The following REDIC1 variants were observed in gnomAD, a reference collection of about 807,000 sequenced individuals.
REDIC1 encodes the protein regulator of DNA class I crossover intermediates 1.
the REDIC1 span, among the ~76,000 whole-genome samples, chr12:39,893,475 T>G: frequency 6.6e-5 from 10 of 152,312 alleles, no homozygotes; most frequent in Admixed American, 6.5e-4. Flanking sequence ...AATTTTTGTA[T>G]TCTTAGTAGA....
At chr12:39,904,429 A>C in the REDIC1 span, among the ~76,000 whole-genome samples, 12 of 152,144 alleles carry the variant, frequency 7.9e-5, no homozygotes, top group Non-Finnish European at 1.8e-4. Flanking sequence ...AAACCTTGTG[A>C]GCAGGTCTTT....
the REDIC1 span, among the ~76,000 whole-genome samples, chr12:39,890,834 T>C: frequency 2.3e-4 from 35 of 152,098 alleles, no homozygotes; most frequent in African/African-American, 8.4e-4. Flanking sequence ...TATACAGCTA[T>C]GAAAAATGTT....
the REDIC1 span, among the ~76,000 whole-genome samples, chr12:39,780,632 G>C: frequency 5.9e-5 from 9 of 152,178 alleles, no homozygotes; most frequent in Non-Finnish European, 1.3e-4. Context: ...GGATGAGCTA[G>C]AAGTTAAAAT....
chr12:39,710,974 G>A, the REDIC1 span, among the ~76,000 whole-genome samples: 1 of 150,896 alleles, frequency 6.6e-6, no homozygotes, highest in Non-Finnish European at 1.5e-5. Context: ...GGTGATTTGT[G>A]AGACCGGTGC....
the REDIC1 span, among the ~76,000 whole-genome samples, chr12:39,796,734 T>G: frequency 6.6e-6 from 1 of 152,170 alleles, no homozygotes; most frequent in African/African-American, 2.4e-5. Flanking sequence ...GTCTTTTGGT[T>G]TCAGCAGTTC....
chr12:39,634,815 C>T, the REDIC1 span, among the ~76,000 whole-genome samples: 5 of 152,220 alleles, frequency 3.3e-5, no homozygotes, highest in African/African-American at 9.6e-5. Flanking sequence ...AGCTTCTGCA[C>T]AGCAAAAGAA....
chr12:39,696,688 G>C, the REDIC1 span, among the ~76,000 whole-genome samples: 1 of 150,372 alleles, frequency 6.7e-6, no homozygotes, highest in Non-Finnish European at 1.5e-5. Flanking sequence ...ACAAAGAGAA[G>C]GAATTCAGAA....
the REDIC1 span, among the ~76,000 whole-genome samples, chr12:39,771,162 C>T: frequency 6.6e-6 from 1 of 152,176 alleles, no homozygotes; most frequent in East Asian, 1.9e-4. Context: ...CATCACCTGC[C>T]TCTGCCTCTG....
the REDIC1 span, among the ~76,000 whole-genome samples, chr12:39,695,524 G>A: frequency 6.6e-6 from 1 of 152,108 alleles, no homozygotes; most frequent in Non-Finnish European, 1.5e-5. Flanking sequence ...CCTTTGGAAA[G>A]GGAAGGGTGG....
At chr12:39,650,293 G>T in the REDIC1 span, 4 of 1,611,210 alleles carry the variant, frequency 2.5e-6, no homozygotes, top group Non-Finnish European at 3.4e-6. The surrounding 1 kb of genome is among the most constrained non-coding windows in gnomAD (Gnocchi z 4.3). Flanking sequence ...TAAAAGTCAA[G>T]ATGTTTTCAG....
the REDIC1 span, among the ~76,000 whole-genome samples, chr12:39,718,915 G>A: frequency 5.9e-5 from 9 of 152,034 alleles, no homozygotes; most frequent in Non-Finnish European, 2.9e-5. Flanking sequence ...TTTGCTTTAA[G>A]TTGTCATATA....
the REDIC1 span, among the ~76,000 whole-genome samples, chr12:39,709,437 C>G: frequency 6.6e-6 from 1 of 151,600 alleles, no homozygotes; most frequent in Non-Finnish European, 1.5e-5. Context: ...TATTGTCAAC[C>G]ACATGCACAT....
At chr12:39,735,157 A>G in the REDIC1 span, among the ~76,000 whole-genome samples, 1 of 152,166 alleles carries the variant, frequency 6.6e-6, no homozygotes, top group African/African-American at 2.4e-5. Flanking sequence ...TCAAAACCCT[A>G]AAACATGTGG....
At chr12:39,685,640 G>GC in the REDIC1 span, among the ~76,000 whole-genome samples, 1 of 151,776 alleles carries the variant, frequency 6.6e-6, no homozygotes, top group Non-Finnish European at 1.5e-5. Context: ...TCCACCCCCA[G>GC]CCCCCCAAAT....
the REDIC1 span, among the ~76,000 whole-genome samples, chr12:39,892,784 A>T: frequency 1.3e-5 from 2 of 152,158 alleles, no homozygotes; most frequent in African/African-American, 4.8e-5. Context: ...GGTAAAAAAA[A>T]TTTCTCCTAG....
At chr12:39,852,676 C>T in the REDIC1 span, among the ~76,000 whole-genome samples, 6 of 152,168 alleles carry the variant, frequency 3.9e-5, no homozygotes, top group Non-Finnish European at 8.8e-5. Context: ...CAACTTTCCA[C>T]GCTCAAGGAA....
the REDIC1 span, among the ~76,000 whole-genome samples, chr12:39,667,045 GT>G: frequency 0.6 from 91,612 of 151,828 alleles, 29,287 homozygotes; most frequent in Non-Finnish European, 0.71. Context: ...TTTTTGAAGG[GT>G]TTTTTGTGTC....
At chr12:39,717,153 T>C in the REDIC1 span, among the ~76,000 whole-genome samples, 1 of 150,220 alleles carries the variant, frequency 6.7e-6, no homozygotes, top group South Asian at 2.1e-4. Flanking sequence ...GTTATATATA[T>C]ACACACATAC....
the REDIC1 span, among the ~76,000 whole-genome samples, chr12:39,753,457 G>A: frequency 2.2e-4 from 34 of 151,840 alleles, no homozygotes; most frequent in African/African-American, 8.3e-4. Context: ...TTAATCTGGA[G>A]AATATGGGAA....
Sources: gnomAD v4.1 joint callset for allele counts (sites outside exome capture counted in the v4.1 genomes callset) on GRCh38, gnomAD v4.1.1 for gene constraint, Gnocchi (gnomAD v3.1) non-coding constraint, MANE v1.5 for transcripts, NCBI Gene and HGNC (gene_info 2026-07-23, HGNC 2026-07-21) for gene names.